The following SCAPER variants were observed in gnomAD, a reference collection of about 807,000 sequenced individuals.
SCAPER encodes S-phase cyclin A associated protein in the ER, also known as S phase cyclin A-associated protein in the endoplasmic reticulum.
In SCAPER, 98 loss-of-function variants were observed where a neutral mutation model predicts 182.2. The observed-to-expected ratio is 0.54, with a 90% CI of 0.46 to 0.64. The LOEUF (loss-of-function observed/expected upper bound fraction) is 0.64. SCAPER is among the 30% of genes least tolerant of loss of function. SCAPER has a pLI of 0.00. For synonymous variants in SCAPER, 605 were observed against 564.6 expected, an observed-to-expected ratio of 1.07 and a Z score of -1.01; for missense variants, 1,432 against 1,690.0, an observed-to-expected ratio of 0.85 and a Z score of 2.68.
intron 18 of SCAPER, 42 bp from the exon 19 acceptor site, chr15:76,703,044 A>C: frequency 3.3e-6 from 5 of 1,512,840 alleles, no homozygotes; most frequent in Non-Finnish European, 4.4e-6. Flanking sequence ...AAAATTATTC[A>C]AATTATGGTG....
intron 25 of SCAPER, among the ~76,000 whole-genome samples, chr15:76,459,575 A>G (rs2049001339): frequency 6.9e-6 from 1 of 144,796 alleles, no homozygotes; most frequent in Admixed American, 7.0e-5. Flanking sequence ...TACTCTGGAT[A>G]TTAATTGCTT....
intron 17 of SCAPER, among the ~76,000 whole-genome samples, chr15:76,707,385 G>C (rs935158006): frequency 6.6e-6 from 1 of 151,796 alleles, no homozygotes; most frequent in Non-Finnish European, 1.5e-5. Context: ...CAGCCTACAA[G>C]AGACAGATCT....
At chr15:76,349,572 T>C (rs1214737366) in intron 31 of SCAPER, 1 of 151,962 alleles carries the variant, frequency 6.6e-6, no homozygotes. Context: ...GAACTCAAAA[T>C]ATCTTGAGAC....
intron 21 of SCAPER, among the ~76,000 whole-genome samples, chr15:76,636,120 T>A (rs1430703066): frequency 2.0e-5 from 3 of 152,212 alleles, no homozygotes; most frequent in Non-Finnish European, 4.4e-5. Context: ...TTACTGTTTA[T>A]CAGGGAATGT....
In SCAPER at chr15:76,548,267, T is replaced by C. The variant is rs77125284; in HGVS notation, c.2838+25891A>G. 5.7e-3 allele frequency among the ~76,000 whole-genome samples: 868 copies of C among 152,290 alleles called. 9 individuals carry two copies. Among genetic ancestry groups the C allele is most frequent in the African/African-American group, 0.02 (838 of 41,572 alleles). On this transcript the variant is annotated intron_variant, in intron 23 of 31. Transcript: ENST00000563290. ...GTTACTTCTAAACAGAACATTAGAA[T>C]TGAATAATCAGAATTGCCTATTTTG...
intron 4 of SCAPER, chr15:76,855,884 C>G (rs1270586208): frequency 4.6e-6 from 2 of 432,226 alleles, no homozygotes; most frequent in East Asian, 7.1e-5. Context: ...GAGCTAAAAA[C>G]AGAAATACCA....
At chr15:76,734,482 A>G (rs1052523839) in intron 15 of SCAPER, among the ~76,000 whole-genome samples, 4 of 152,202 alleles carry the variant, frequency 2.6e-5, no homozygotes, top group Non-Finnish European at 4.4e-5. Context: ...ATACAGATCC[A>G]ACTAAGCTTT....
At chr15:76,507,381 G>C (rs1312621039) in intron 23 of SCAPER, among the ~76,000 whole-genome samples, 2 of 152,096 alleles carry the variant, frequency 1.3e-5, no homozygotes, top group South Asian at 4.1e-4. Flanking sequence ...ATCAATTTCT[G>C]TTGTTTAACC....
At chr15:76,730,913 A>G (rs552554775) in intron 16 of SCAPER, among the ~76,000 whole-genome samples, 2 of 152,304 alleles carry the variant, frequency 1.3e-5, no homozygotes, top group African/African-American at 4.8e-5. Flanking sequence ...ACATTGTATG[A>G]AAAGAGATAA....
intron 7 of SCAPER, 135 bp from the exon 8 acceptor site, chr15:76,795,575 T>C (rs1010797534): frequency 3.6e-6 from 2 of 558,308 alleles, no homozygotes; most frequent in African/African-American, 3.9e-5. Flanking sequence ...CCACGGCAAT[T>C]TAAGGTAACT....
intron 25 of SCAPER, among the ~76,000 whole-genome samples, chr15:76,458,119 A>G (rs1382624885): frequency 6.6e-6 from 1 of 152,132 alleles, no homozygotes; most frequent in East Asian, 1.9e-4. Context: ...TCTGCTAAGA[A>G]GACATTATAT....
rs564246435 is a variant in SCAPER, at chr15:76,713,523, G to A, written c.2166-7539C>T. On this transcript the variant is annotated intron_variant, in intron 17 of 31. Transcript: ENST00000563290. ...AAATCATCATTCTCAGCAAACTATC[G>A]CAAGGACAAAAAACCAAACACCGCA... is the stretch of plus-strand genomic sequence containing the variant. Among the ~76,000 whole-genome samples, 11 of 151,890 alleles carry A rather than the reference G, an allele frequency of 7.2e-5. No individual in the cohort carries two copies. In the South Asian group the frequency reaches 8.3e-4, roughly 12 times the overall value.
chr15:76,625,487 C>T (rs192192525), intron 21 of SCAPER, among the ~76,000 whole-genome samples: 181 of 152,284 alleles, frequency 1.2e-3, no homozygotes, highest in African/African-American at 4.0e-3. Flanking sequence ...ATGGCTCTCA[C>T]TTCATCCCTG....
intron 2 of SCAPER, among the ~76,000 whole-genome samples, chr15:76,862,953 C>A (rs1186987264): frequency 1.3e-5 from 2 of 152,068 alleles, no homozygotes; most frequent in African/African-American, 2.4e-5. Context: ...CTAGAGATTG[C>A]GCTAAAGTAA....
intron 5 of SCAPER, among the ~76,000 whole-genome samples, chr15:76,840,061 A>T (rs750959942): frequency 1.3e-5 from 2 of 152,212 alleles, no homozygotes; most frequent in African/African-American, 2.4e-5. Context: ...AGTGTCTTCT[A>T]CCGCAACATA....
At chr15:76,741,492 G>C (rs969388423) in intron 15 of SCAPER, among the ~76,000 whole-genome samples, 10 of 152,086 alleles carry the variant, frequency 6.6e-5, no homozygotes, top group Non-Finnish European at 1.3e-4. Flanking sequence ...TTAATCTGGA[G>C]GGAGGAGGAA....
chr15:76,753,535 T>C (rs915823829), intron 15 of SCAPER, among the ~76,000 whole-genome samples: 2 of 151,980 alleles, frequency 1.3e-5, no homozygotes, highest in South Asian at 2.1e-4. Flanking sequence ...GATATATACA[T>C]GTCAAAACTC....
chr15:76,711,962 T>G (rs1165065860), intron 17 of SCAPER, among the ~76,000 whole-genome samples: 1 of 152,216 alleles, frequency 6.6e-6, no homozygotes, highest in Admixed American at 6.5e-5. Flanking sequence ...TTTGTCAATT[T>G]TGGCTTTTGT....
At chr15:76,466,136 C>G (rs2049595817) in intron 25 of SCAPER, among the ~76,000 whole-genome samples, 1 of 152,020 alleles carries the variant, frequency 6.6e-6, no homozygotes, top group Non-Finnish European at 1.5e-5. Flanking sequence ...AGTTTTGGGT[C>G]ACTATTTAAG....
Sources: allele counts gnomAD v4.1 joint callset (sites outside exome capture counted in the v4.1 genomes callset), GRCh38; gene constraint gnomAD v4.1.1; transcripts MANE v1.5; gene names NCBI Gene and HGNC (gene_info 2026-07-23, HGNC 2026-07-21).